Variants in CUL2 observed in about 807,000 individuals in gnomAD.
CUL2 encodes the protein cullin 2.
CUL2 carries 22 observed loss-of-function variants against 110.2 expected under a neutral mutation model. The ratio of observed to expected loss-of-function variants is 0.20; its 90% CI spans 0.14 to 0.28. CUL2 has a LOEUF of 0.28. Among genes scored for constraint, CUL2 ranks in the 10% least tolerant of loss-of-function variants. CUL2 has a pLI of 1.00. For synonymous variants in CUL2, 279 were observed against 293.2 expected (o/e 0.95, Z 0.49); for missense variants, 631 against 905.5 (o/e 0.70, Z 3.89).
intron 4 of CUL2, 147 bp downstream of exon 4, chr10:35,060,727 T>C: frequency 1.6e-6 from 1 of 642,860 alleles, no homozygotes; most frequent in Non-Finnish European, 2.6e-6. Context: ...TATAGACCTT[T>C]CCCCACAGCA....
rs190449957 is a variant in CUL2 at position 35,020,177 on chromosome 10, A to T, written c.1685-3783T>A. Among the ~76,000 whole-genome samples, 208 of 152,350 alleles carry T rather than the reference A, an allele frequency of 1.4e-3. 1 individual carries two copies. Among genetic ancestry groups the T allele is most frequent in the African/African-American group, 3.5e-3 (147 of 41,574 alleles). On this transcript the variant is annotated intron_variant, in intron 17 of 20. Coordinates refer to ENST00000374749, the MANE Select transcript of CUL2 (RefSeq NM_003591.4). ...ATAGAAAACAAATTTAAAAAAAAAA[A>T]AAATAAATCACAAATAAGTAATCCA...
At chr10:35,099,255 G>T (rs2087342692) in intron 2 of CUL2, among the ~76,000 whole-genome samples, 1 of 152,076 alleles carries the variant, frequency 6.6e-6, no homozygotes, top group Admixed American at 6.6e-5. Flanking sequence ...GCTGGGCATG[G>T]TGTTACGCGC....
At chr10:35,096,057 G>C (rs1486092930) in intron 2 of CUL2, among the ~76,000 whole-genome samples, 1 of 151,840 alleles carries the variant, frequency 6.6e-6, no homozygotes, top group Non-Finnish European at 1.5e-5. Flanking sequence ...AGACCAGCCT[G>C]GCCAATATGG....
intron 20 of CUL2, among the ~76,000 whole-genome samples, chr10:35,011,029 C>T (rs2084887551): frequency 1.3e-5 from 2 of 152,020 alleles, no homozygotes; most frequent in South Asian, 4.1e-4. Context: ...AATGAATCAG[C>T]AAGTTTTAGA....
At chr10:35,120,502 TA>T (rs2087665111) in intron 1 of CUL2, 1 of 152,214 alleles carries the variant, frequency 6.6e-6, no homozygotes, top group African/African-American at 2.4e-5. Context: ...GATGGCACTA[TA>T]ACCTACAAAA....
intron 1 of CUL2, among the ~76,000 whole-genome samples, chr10:35,124,926 T>A (rs983829123): frequency 3.9e-5 from 6 of 152,200 alleles, no homozygotes; most frequent in Non-Finnish European, 8.8e-5. Flanking sequence ...GGTGACCTAG[T>A]TGTCCCTCCC....
intron 4 of CUL2, among the ~76,000 whole-genome samples, chr10:35,057,653 A>G (rs1242423022): frequency 7.1e-6 from 1 of 139,864 alleles, no homozygotes; most frequent in South Asian, 2.2e-4. Flanking sequence ...ACTCCGTCTG[A>G]AAAAAAAAAA....
At chr10:35,078,856 A>T (rs2135029355) in intron 1 of CUL2, among the ~76,000 whole-genome samples, 1 of 152,326 alleles carries the variant, frequency 6.6e-6, no homozygotes, top group Non-Finnish European at 1.5e-5. Flanking sequence ...CACCAATAAA[A>T]ATTTGGCATC....
rs1216828112 is a variant in CUL2, at chr10:35,071,550, A to G, written c.-22-211T>C. Among the ~76,000 whole-genome samples the G allele has an allele frequency of 5.3e-5, 8 of 151,918 alleles. No individual in the cohort carries two copies. The East Asian group carries it at 5.8e-4, about 11-fold the overall frequency. ...CTCCCAAGTAGCTGGGACTACAGGC[A>G]CCCGCCACCATGCCCAGCTAATTTT... On this transcript the variant is annotated intron_variant, in intron 1 of 20. Coordinates refer to ENST00000374749, the MANE Select transcript of CUL2 (RefSeq NM_003591.4).
At chr10:35,088,429 A>AC (rs202245860) in intron 1 of CUL2, among the ~76,000 whole-genome samples, 50,743 of 148,180 alleles carry the variant, frequency 0.34, 8,597 homozygotes, top group South Asian at 0.35. Flanking sequence ...AATTGCTTGA[A>AC]CTGGGAGGTT....
chr10:35,015,876 A>G (rs892969104), intron 18 of CUL2, among the ~76,000 whole-genome samples: 4 of 152,338 alleles, frequency 2.6e-5, no homozygotes, highest in Non-Finnish European at 5.9e-5. Flanking sequence ...AAAAACCTGG[A>G]AAGTCTTTAA....
upstream of CUL2, among the ~76,000 whole-genome samples, chr10:35,094,238 ATT>A (rs112549710): frequency 0.031 from 4,549 of 147,596 alleles, 224 homozygotes; most frequent in African/African-American, 0.11. Context: ...GTCCTCGATA[ATT>A]TTTTTTTTTT....
intron 4 of CUL2, among the ~76,000 whole-genome samples, chr10:35,055,007 T>C (rs1236544502): frequency 6.6e-6 from 1 of 152,210 alleles, no homozygotes; most frequent in African/African-American, 2.4e-5. Flanking sequence ...ATAGTAAGTA[T>C]GGGCAAGATT....
rs558540256 is a variant in CUL2 at position 35,083,170 on chromosome 10, G to C, written c.-23+7009C>G. On this transcript the variant is annotated intron_variant, in intron 1 of 20. Coordinates refer to ENST00000374749, the MANE Select transcript of CUL2 (RefSeq NM_003591.4). Reference sequence around the variant, plus strand: ...ACTCCATCTCAAAAAAAAAAAAAAAGAAAGAAAAAGAAAAAAAGAAAGCTA... The same window carrying C: ...ACTCCATCTCAAAAAAAAAAAAAAACAAAGAAAAAGAAAAAAAGAAAGCTA... 2.5e-3 allele frequency among the ~76,000 whole-genome samples: 363 copies of C among 142,620 alleles called. 1 individual carries two copies. Among genetic ancestry groups the C allele is most frequent in the South Asian group, 7.4e-3 (33 of 4,468 alleles). The allele number at this position is 142,620 out of a possible 152,430, so 93.6% of individuals were successfully genotyped here.
At chr10:35,054,269 C>CCT (rs10671397) in intron 5 of CUL2, among the ~76,000 whole-genome samples, 165 bp downstream of exon 5, 55,328 of 151,876 alleles carry the variant, frequency 0.36, 10,124 homozygotes, top group African/African-American at 0.41. Context: ...CTTTTTCGTT[C>CCT]CTGAGGATTC....
intron 1 of CUL2, among the ~76,000 whole-genome samples, chr10:35,125,439 C>G (rs2087748846): frequency 6.6e-6 from 1 of 152,188 alleles, no homozygotes; most frequent in South Asian, 2.1e-4. Context: ...CATATGAACT[C>G]CTGTTACAGA....
chr10:35,097,626 CT>C (rs1328528912), intron 2 of CUL2, among the ~76,000 whole-genome samples: 2 of 151,998 alleles, frequency 1.3e-5, no homozygotes, highest in African/African-American at 4.8e-5. Flanking sequence ...TGTGATCATC[CT>C]CCCCAAACCC....
chr10:35,071,957 G>A (rs1417650121), intron 1 of CUL2, among the ~76,000 whole-genome samples: 1 of 152,134 alleles, frequency 6.6e-6, no homozygotes, highest in East Asian at 1.9e-4. Flanking sequence ...GAAAGAAACG[G>A]GGACCCACTT....
chr10:35,093,197 A>G (rs73260807), upstream of CUL2, among the ~76,000 whole-genome samples: 4,543 of 151,032 alleles, frequency 0.03, 224 homozygotes, highest in African/African-American at 0.11. Flanking sequence ...AAAAACCCCA[A>G]CCTCCAACCC....
Sources: gnomAD v4.1 joint callset for allele counts (sites outside exome capture counted in the v4.1 genomes callset) on GRCh38, gnomAD v4.1.1 for gene constraint, MANE v1.5 for transcripts, NCBI Gene and HGNC (gene_info 2026-07-23, HGNC 2026-07-21) for gene names.